Variants in PSMD13 observed in about 807,000 individuals in gnomAD.
PSMD13 encodes 26S proteasome non-ATPase regulatory subunit 13.
In PSMD13, 8 loss-of-function variants were observed where a neutral mutation model predicts 57.4. The ratio of observed to expected loss-of-function variants is 0.14; its 90% CI spans 0.08 to 0.25. PSMD13 has a LOEUF of 0.25. PSMD13 is among the 10% of genes least tolerant of loss of function. The probability of loss-of-function intolerance (pLI) is 1.00; values close to 1 mark genes in which losing one functional copy is unlikely to be tolerated. For synonymous variants in PSMD13, 193 were observed against 168.2 expected, an observed-to-expected ratio of 1.15 and a Z score of -1.14; for missense variants, 400 against 461.5, an observed-to-expected ratio of 0.87 and a Z score of 1.22.
At chr11:244,599 G>T in intron 5 of PSMD13, 76 bp from the exon 6 acceptor site, 2 of 1,524,760 alleles carry the variant, frequency 1.3e-6, no homozygotes, top group Non-Finnish European at 1.8e-6. Context: ...TTAAGTTAAT[G>T]TACAAGTAGC....
intron 2 of PSMD13, among the ~76,000 whole-genome samples, chr11:240,023 A>G (rs373180103): frequency 9.3e-5 from 14 of 151,172 alleles, no homozygotes; most frequent in Admixed American, 5.9e-4. Context: ...AGAGGAACTT[A>G]CAATCATCTG....
chr11:252,703 G>T lies in PSMD13; in HGVS notation c.*103G>T. ...ACGGTCGACATTGAATTTGGGTGGG[G>T]GTTGGGATCCTGTCTGAAGTACAGA... On this transcript the variant is annotated 3_prime_UTR_variant, in exon 13 of 13. Coordinates refer to ENST00000532097, the MANE Select transcript of PSMD13 (RefSeq NM_002817.4). This position sits in a 1 kb window ranked among gnomAD's most constrained non-coding sequence, Gnocchi z 4.1. The T allele has an allele frequency of 9.1e-7, 1 of 1,095,528 alleles. No individual in the cohort carries two copies. Among genetic ancestry groups the T allele is most frequent in the South Asian group, 1.3e-5 (1 of 75,818 alleles). The allele number at this position is 1,095,528 out of a possible 1,614,324, so 67.9% of individuals were successfully genotyped here. A position where few individuals can be genotyped will look rare whatever the true frequency, so the allele number is the denominator to read the frequency against.
intron 1 of PSMD13, among the ~76,000 whole-genome samples, chr11:237,478 A>G (rs933332202): frequency 1.2e-4 from 19 of 152,170 alleles, no homozygotes; most frequent in African/African-American, 3.9e-4. Flanking sequence ...GTAGCCTTTG[A>G]TTTTAGCTCT....
chr11:245,992 A>G (rs1314991304), intron 6 of PSMD13, among the ~76,000 whole-genome samples: 3 of 152,162 alleles, frequency 2.0e-5, no homozygotes, highest in Non-Finnish European at 2.9e-5. Context: ...TCAGGGTCCC[A>G]GTACCCTTCA....
At chr11:239,612 T>A (rs761649786) in intron 2 of PSMD13, among the ~76,000 whole-genome samples, 3 of 152,132 alleles carry the variant, frequency 2.0e-5, no homozygotes, top group Non-Finnish European at 4.4e-5. Flanking sequence ...CTTTTGTACT[T>A]CGGTTGAGGG....
At position 237,088 on chromosome 11, in the gene PSMD13, C is replaced by T. The variant is rs755824657; in HGVS notation, c.39C>T (p.Asn13=). ...DVPGFLQQSQ[N]SGPGQPAVWH... ...CGGGCTTCCTACAGCAGAGCCAGAA[C>T]TCCGGGCCCGGGCAGCCCGCTGTGT... Residue 13 remains asparagine, a synonymous_variant, in exon 1 of 13, where the codon AAC becomes AAT. Transcript: ENST00000532097. 1.9e-6 allele frequency: 3 copies of T among 1,613,878 alleles called. No homozygotes were observed. Among genetic ancestry groups the T allele is most frequent in the East Asian group, 2.2e-5 (1 of 44,882 alleles).
intron 6 of PSMD13, among the ~76,000 whole-genome samples, chr11:245,548 T>C (rs1207449873): frequency 1.3e-5 from 2 of 152,186 alleles, no homozygotes; most frequent in Admixed American, 6.5e-5. Context: ...GTCTTTCTTA[T>C]GTTCAATTAT....
rs142720939 is a variant in PSMD13 at position 247,378 on chromosome 11, C to T, written c.498C>T (p.Ile166=). 4,954 of 1,504,544 alleles carry T rather than the reference C, an allele frequency of 3.3e-3. 21 individuals carry two copies. Among genetic ancestry groups the T allele is most frequent in the Non-Finnish European group, 3.9e-3 (4,304 of 1,112,202 alleles). 93.2% of individuals were successfully genotyped at this position (1,504,544 alleles called of 1,614,324 possible). A position where few individuals can be genotyped will look rare whatever the true frequency, so the allele number is the denominator to read the frequency against. ...TCTCCAGTAAATACTATCAAACAAT[C>T]GGAAACCACGCGTCCTACTACAAAG... is the stretch of plus-strand genomic sequence containing the variant. ...YDLSSKYYQT[I]GNHASYYKDA... The change falls in exon 7 of 13, where the codon ATC becomes ATT. Residue 166 remains isoleucine (I), a synonymous_variant. Coordinates refer to ENST00000532097, the MANE Select transcript of PSMD13 (RefSeq NM_002817.4).
intron 9 of PSMD13, 73 bp from the exon 10 acceptor site, chr11:250,729 AT>A: frequency 7.0e-7 from 1 of 1,420,256 alleles, no homozygotes; most frequent in Admixed American, 1.7e-5. Context: ...TATAGAACGA[AT>A]TCCAGATCCC....
intron 9 of PSMD13, among the ~76,000 whole-genome samples, chr11:249,834 T>C (rs12576259): frequency 0.046 from 7,042 of 152,258 alleles, 622 homozygotes; most frequent in East Asian, 0.43. Flanking sequence ...TATTTTTGTA[T>C]TTTTCTGAAA....
chr11:248,344 T>A (rs1859699257), intron 7 of PSMD13: 1 of 185,294 alleles, frequency 5.4e-6, no homozygotes, highest in Non-Finnish European at 1.2e-5. Flanking sequence ...TTTATTACTG[T>A]ATGTCAAGAA....
intron 6 of PSMD13, among the ~76,000 whole-genome samples, chr11:246,434 G>A (rs965253389): frequency 8.5e-5 from 13 of 152,204 alleles, no homozygotes; most frequent in African/African-American, 2.7e-4. Flanking sequence ...CTGCAAGGCG[G>A]AGGTTGCAGT....
At chr11:248,585 C>A (rs1211611105) in intron 7 of PSMD13, 191 bp from the exon 8 acceptor site, 6 of 593,988 alleles carry the variant, frequency 1.0e-5, no homozygotes, top group Non-Finnish European at 1.8e-5. Context: ...TCCCAAAAAA[C>A]CCATGTATAT....
intron 2 of PSMD13, 43 bp downstream of exon 2, chr11:239,119 C>T (rs141048059): frequency 1.3e-6 from 2 of 1,521,424 alleles, no homozygotes; most frequent in Non-Finnish European, 1.8e-6. Context: ...TGAATGTGCT[C>T]AAGGACTTTT....
At position 241,738 on chromosome 11, in the gene PSMD13, C is replaced by T. The variant is rs1390461777; in HGVS notation, c.175-2303C>T. ...TCAAATTATTCATCCATCCTCATTA[C>T]GGTTGCTCCCTCACTCTCCTGTCTT... On this transcript the variant is annotated intron_variant, in intron 2 of 12. Transcript: ENST00000532097. 3.9e-5 allele frequency among the ~76,000 whole-genome samples: 6 copies of T among 152,288 alleles called. No individual in the cohort carries two copies. In the East Asian group the frequency reaches 5.8e-4, roughly 15 times the overall value.
At chr11:245,696 G>T (rs1340684974) in intron 6 of PSMD13, among the ~76,000 whole-genome samples, 1 of 15,682 alleles carries the variant, frequency 6.4e-5, no homozygotes, top group Middle Eastern at 0.017. Flanking sequence ...ATGTGTGTTC[G>T]TGTGTTTGTG....
Position 251,325 on chromosome 11 carries a change from A to G in PSMD13, c.838-221A>G. On this transcript the variant is annotated intron_variant, in intron 10 of 12. Transcript: ENST00000532097. The surrounding 1 kb of genome is among the most constrained non-coding windows in gnomAD (Gnocchi z 4.6). ...CTTGTTCGGGGATTGAACAATGGCT[A>G]CTGTCAGAAACTCCTGTAAGGCATT... 9.2e-6 allele frequency: 5 copies of G among 543,736 alleles called. No homozygotes were observed. The highest frequency in any genetic ancestry group is 3.2e-6 in the Non-Finnish European group (1 of 308,676). 33.7% of individuals were successfully genotyped at this position (543,736 alleles called of 1,614,324 possible). A position where few individuals can be genotyped will look rare whatever the true frequency, so the allele number is the denominator to read the frequency against.
chr11:241,464 G>C (rs1002808691), intron 2 of PSMD13, among the ~76,000 whole-genome samples: 2 of 152,164 alleles, frequency 1.3e-5, no homozygotes, highest in Non-Finnish European at 2.9e-5. Context: ...TTAGTTGACT[G>C]TTTCTTGTGT....
rs919612628 is a variant in PSMD13 at position 252,148 on chromosome 11, A to G, written c.1035+212A>G. The G allele has an allele frequency of 7.3e-6, 4 of 545,464 alleles. No individual in the cohort carries two copies. The allele number at this position is 545,464 out of a possible 1,614,324, so 33.8% of individuals were successfully genotyped here. A position where few individuals can be genotyped will look rare whatever the true frequency, so the allele number is the denominator to read the frequency against. ...CCTGCATTTAAAAGCTTATGATGACAATGGCACTGGTTGTGCTGACGGTGC... is the reference window on the plus strand; with the variant it reads ...CCTGCATTTAAAAGCTTATGATGACGATGGCACTGGTTGTGCTGACGGTGC... On this transcript the variant is annotated intron_variant, in intron 12 of 12. Transcript: ENST00000532097. The surrounding 1 kb of genome is among the most constrained non-coding windows in gnomAD (Gnocchi z 4.1).
Sources: allele counts gnomAD v4.1 joint callset (sites outside exome capture counted in the v4.1 genomes callset), GRCh38; gene constraint gnomAD v4.1.1; non-coding constraint Gnocchi (gnomAD v3.1); transcripts MANE v1.5; gene names NCBI Gene and HGNC (gene_info 2026-07-23, HGNC 2026-07-21).